Variants in CIB3 observed in about 807,000 individuals in gnomAD.
The protein encoded by CIB3 is calcium and integrin binding family member 3.
In CIB3, 22 loss-of-function variants were observed where a neutral mutation model predicts 23.4. That is an observed-to-expected ratio of 0.94 (90% CI 0.67 to 1.34). CIB3 has a LOEUF of 1.34. CIB3 is among the 40% of genes most tolerant of loss of function. The pLI is 0.00. For missense variants in CIB3, 258 were observed against 247.3 expected (o/e 1.04, Z -0.29); for synonymous variants, 93 against 95.8 (o/e 0.97, Z 0.17).
chr19:16,170,259 G>A (rs2091322525), intron 2 of CIB3, among the ~76,000 whole-genome samples: 1 of 152,142 alleles, frequency 6.6e-6, no homozygotes, highest in African/African-American at 2.4e-5. Flanking sequence ...GAGGGCCACA[G>A]GACAAAGGGA....
At chr19:16,169,786 C>T (rs931556573) in intron 2 of CIB3, 45 bp from the exon 3 acceptor site, 10 of 1,501,966 alleles carry the variant, frequency 6.7e-6, no homozygotes, top group Admixed American at 2.0e-5. Context: ...GAGCAGGGAG[C>T]AGGCAAGACG....
chr19:16,172,101 G>GGACTTTGCACCTGGGCTCCC (rs1349092312), intron 2 of CIB3, among the ~76,000 whole-genome samples: 1 of 152,216 alleles, frequency 6.6e-6, no homozygotes, highest in Non-Finnish European at 1.5e-5. Flanking sequence ...ACTGGGCTCT[G>GGACTTTGCACCTGGGCTCCC]GACTTTGCAC....
chr19:16,167,009 A>G (rs1301516202), intron 4 of CIB3, among the ~76,000 whole-genome samples: 1 of 152,190 alleles, frequency 6.6e-6, no homozygotes, highest in African/African-American at 2.4e-5. Flanking sequence ...TGAGGTCAGG[A>G]GTTCGAGACC....
At chr19:16,169,783 G>A (rs776579071) in intron 2 of CIB3, 42 bp from the exon 3 acceptor site, 13 of 1,517,632 alleles carry the variant, frequency 8.6e-6, no homozygotes, top group African/African-American at 1.4e-5. Context: ...TGGGAGCAGG[G>A]AGCAGGCAAG....
At chr19:16,164,384 G>A (rs932535622) in intron 5 of CIB3, among the ~76,000 whole-genome samples, 24 of 152,194 alleles carry the variant, frequency 1.6e-4, no homozygotes, top group African/African-American at 4.8e-4. Context: ...CCTATTGGCC[G>A]TACTTTGCCC....
At chr19:16,164,945 A>G (rs930987433) in intron 4 of CIB3, 32 bp from the exon 5 acceptor site, 7 of 1,593,144 alleles carry the variant, frequency 4.4e-6, no homozygotes, top group Non-Finnish European at 6.0e-6. Flanking sequence ...GAGTGACAGC[A>G]GGTGGCAGGA....
chr19:16,162,886 C>CTTTTTTTTTTTTTTTTTTT (rs373689760), intron 5 of CIB3, among the ~76,000 whole-genome samples: 1 of 102,444 alleles, frequency 9.8e-6, no homozygotes, highest in Non-Finnish European at 2.0e-5. Context: ...CTTTTCTTTT[C>CTTTTTTTTTTTTTTTTTTT]TTTTTTTTTT....
intron 4 of CIB3, 108 bp from the exon 5 acceptor site, chr19:16,165,021 C>T (rs1197655212): frequency 1.5e-5 from 14 of 918,802 alleles, no homozygotes; most frequent in African/African-American, 4.9e-5. Context: ...AGGTCGGGCA[C>T]GGTGGCTCAC....
chr19:16,168,436 G>C lies in CIB3; in HGVS notation c.199-152C>G, dbSNP rs117691442. ...CCCATGGTCCCTGGACAGGACTTTG[G>C]ACAACTCCACCCTCCACCCCTGTGA... is the stretch of plus-strand genomic sequence containing the variant. On this transcript the variant is annotated intron_variant, in intron 3 of 5. Transcript: ENST00000269878. The C allele has an allele frequency of 5.5e-4, 633 of 1,142,278 alleles. 17 individuals are homozygous for C. In the East Asian group the frequency reaches 0.011, roughly 21 times the overall value. 70.8% of individuals were successfully genotyped at this position (1,142,278 alleles called of 1,614,324 possible). A position where few individuals can be genotyped will look rare whatever the true frequency, so the allele number is the denominator to read the frequency against.
chr19:16,167,693 G>A (rs1214796818), intron 4 of CIB3, among the ~76,000 whole-genome samples: 2 of 152,168 alleles, frequency 1.3e-5, no homozygotes, highest in African/African-American at 4.8e-5. Flanking sequence ...TTAGCCAGGC[G>A]TGATGGCACC....
chr19:16,169,875 C>G, intron 2 of CIB3, 134 bp from the exon 3 acceptor site: 1 of 654,002 alleles, frequency 1.5e-6, no homozygotes. Context: ...TCTCGGCTCA[C>G]TGTAACCTCT....
chr19:16,161,673 CTTTTTTTTT>C (rs55969649), intron 5 of CIB3, among the ~76,000 whole-genome samples, 187 bp from the exon 6 acceptor site: 5 of 100,056 alleles, frequency 5.0e-5, no homozygotes, highest in African/African-American at 1.8e-4. Context: ...TTTTTTAATT[CTTTTTTTTT>C]TTTTTTTTTT....
intron 5 of CIB3, among the ~76,000 whole-genome samples, chr19:16,163,550 G>A (rs767314757): frequency 7.2e-5 from 11 of 152,016 alleles, no homozygotes; most frequent in Non-Finnish European, 5.9e-5. Flanking sequence ...GCAAGACTCC[G>A]TCTCAAAACA....
chr19:16,168,408 C>T, intron 3 of CIB3, 124 bp from the exon 4 acceptor site: 1 of 1,337,214 alleles, frequency 7.5e-7, no homozygotes. Flanking sequence ...AGACCCACTC[C>T]CTCCCATGGT....
chr19:16,168,074 C>T (rs948020698), intron 4 of CIB3, 63 bp downstream of exon 4: 28 of 1,523,378 alleles, frequency 1.8e-5, no homozygotes, highest in Non-Finnish European at 2.4e-5. Flanking sequence ...GTGGGTGCCA[C>T]CCACCCAGTT....
chr19:16,173,422 T>C lies in CIB3; in HGVS notation c.51+3A>G, dbSNP rs746674498. On this transcript the variant is annotated splice_donor_region_variant and intron_variant, in intron 1 of 5. Coordinates refer to ENST00000269878, the MANE Select transcript of CIB3 (RefSeq NM_054113.4). ...ACTGAGGACCCATCCTGCCCCCCTC[T>C]ACCTGATACGCTTCCAGCTGCTCGT... 1.9e-6 allele frequency: 3 copies of C among 1,613,502 alleles called. No homozygotes were observed. The highest frequency in any genetic ancestry group is 1.7e-5 in the Admixed American group (1 of 59,976).
intron 4 of CIB3, among the ~76,000 whole-genome samples, chr19:16,166,808 G>A (rs941432076): frequency 1.6e-4 from 24 of 152,290 alleles, no homozygotes; most frequent in African/African-American, 4.3e-4. Context: ...GGCAGGGCAC[G>A]GTGGCTCATG....
At chr19:16,173,320 A>G in intron 1 of CIB3, 105 bp downstream of exon 1, 1 of 1,562,020 alleles carries the variant, frequency 6.4e-7, no homozygotes, top group Non-Finnish European at 8.8e-7. Flanking sequence ...AGAACCAGGA[A>G]CCCAGGCGGA....
At chr19:16,167,512 T>C (rs2091310685) in intron 4 of CIB3, among the ~76,000 whole-genome samples, 1 of 151,994 alleles carries the variant, frequency 6.6e-6, no homozygotes, top group Admixed American at 6.6e-5. Context: ...AGAGGCCTAC[T>C]TTTGACCTAG....
Sources: allele counts gnomAD v4.1 joint callset (sites outside exome capture counted in the v4.1 genomes callset), GRCh38; gene constraint gnomAD v4.1.1; transcripts MANE v1.5; gene names NCBI Gene and HGNC (gene_info 2026-07-23, HGNC 2026-07-21).